NBAS: variants seen among roughly 807,000 people sequenced by gnomAD.
NBAS encodes the protein NBAS subunit of NRZ tethering complex, also known as NAG/BC035112 fusion.
In NBAS, 219 loss-of-function variants were observed where a neutral mutation model predicts 302.5. The ratio of observed to expected loss-of-function variants is 0.72; its 90% CI spans 0.65 to 0.81. The LOEUF is 0.81. Ranked by LOEUF, NBAS falls within the 30% of genes least tolerant of loss-of-function variation. The pLI is 0.00. For missense variants in NBAS, 2,932 were observed against 2,841.6 expected, an observed-to-expected ratio of 1.03 and a Z score of -0.72; for synonymous variants, 1,118 against 1,021.6, an observed-to-expected ratio of 1.09 and a Z score of -1.80.
chr2:15,125,904 T>C, the NBAS span, among the ~76,000 whole-genome samples: 1 of 152,190 alleles, frequency 6.6e-6, no homozygotes, highest in African/African-American at 2.4e-5. Flanking sequence ...GATAATACTC[T>C]GGGAGACTAT....
the NBAS span, among the ~76,000 whole-genome samples, chr2:15,034,159 G>C: frequency 7.2e-6 from 1 of 139,586 alleles, no homozygotes; most frequent in African/African-American, 2.8e-5. Context: ...GGAGGAGGAG[G>C]AGGTGGAGGA....
chr2:15,275,385 T>C (rs1010368911), intron 44 of NBAS, 99 bp downstream of exon 44: 1 of 1,339,210 alleles, frequency 7.5e-7, no homozygotes, highest in Non-Finnish European at 1.0e-6. Flanking sequence ...CATGTAATTA[T>C]TTTCAAGAAA....
At chr2:15,504,267 T>A in intron 10 of NBAS, 54 bp from the exon 11 acceptor site, 1 of 1,375,184 alleles carries the variant, frequency 7.3e-7, no homozygotes, top group Non-Finnish European at 1.0e-6. Flanking sequence ...CTTATCGTTG[T>A]AAAATGTCCC....
intron 25 of NBAS, among the ~76,000 whole-genome samples, chr2:15,409,358 T>C (rs1275482192): frequency 1.3e-5 from 2 of 152,252 alleles, no homozygotes; most frequent in Admixed American, 6.5e-5. Flanking sequence ...CATTGAATAC[T>C]GTCTGCTTAT....
the NBAS span, among the ~76,000 whole-genome samples, chr2:15,161,251 C>G: frequency 1.3e-5 from 2 of 152,130 alleles, no homozygotes; most frequent in Non-Finnish European, 2.9e-5. Flanking sequence ...CGTGGCTAAC[C>G]GCTAAAGTCT....
At chr2:15,165,507 C>T (rs1410609667), downstream of NBAS, among the ~76,000 whole-genome samples, 1 of 152,112 alleles carries the variant, frequency 6.6e-6, no homozygotes, top group African/African-American at 2.4e-5. Flanking sequence ...CAAAGATGAC[C>T]AAAACTTTCA....
At chr2:15,330,927 A>AGCACTATCAACATATTGTTCCT (rs1672313625) in intron 35 of NBAS, among the ~76,000 whole-genome samples, 162 bp from the exon 36 acceptor site, 1 of 152,242 alleles carries the variant, frequency 6.6e-6, no homozygotes, top group Non-Finnish European at 1.5e-5. Flanking sequence ...ATGTTAAAAG[A>AGCACTATCAACATATTGTTCCT]GCACTATCAA....
the NBAS span, among the ~76,000 whole-genome samples, chr2:14,873,843 A>T: frequency 6.7e-6 from 1 of 148,850 alleles, no homozygotes; most frequent in African/African-American, 2.5e-5. Flanking sequence ...ATTGCATTAC[A>T]TTTTTTTTTT....
At chr2:15,012,533 C>T in the NBAS span, among the ~76,000 whole-genome samples, 9 of 152,116 alleles carry the variant, frequency 5.9e-5, no homozygotes, top group African/African-American at 2.2e-4. Context: ...GAGAGATGGA[C>T]ATCCAGATCT....
intron 38 of NBAS, among the ~76,000 whole-genome samples, chr2:15,322,581 G>A (rs906120785): frequency 2.0e-5 from 3 of 151,976 alleles, no homozygotes; most frequent in Non-Finnish European, 4.4e-5. Flanking sequence ...CATTCATTTT[G>A]CTAAATAAAT....
At chr2:15,314,623 G>C (rs1375612575) in intron 38 of NBAS, among the ~76,000 whole-genome samples, 1 of 152,030 alleles carries the variant, frequency 6.6e-6, no homozygotes, top group Non-Finnish European at 1.5e-5. Context: ...GAATTCTGGC[G>C]GTCCCTTATA....
intron 12 of NBAS, among the ~76,000 whole-genome samples, chr2:15,483,745 ATT>A (rs1243936347): frequency 6.6e-6 from 1 of 152,218 alleles, no homozygotes; most frequent in Non-Finnish European, 1.5e-5. Flanking sequence ...CACAAAGCAT[ATT>A]ATAAAAACTA....
chr2:15,100,334 T>C, the NBAS span, among the ~76,000 whole-genome samples: 3 of 152,016 alleles, frequency 2.0e-5, no homozygotes, highest in Admixed American at 6.6e-5. Context: ...GATCCAAGAG[T>C]GTGGTTATAA....
the NBAS span, among the ~76,000 whole-genome samples, chr2:15,016,641 A>G: frequency 6.6e-6 from 1 of 152,162 alleles, no homozygotes; most frequent in Non-Finnish European, 1.5e-5. Flanking sequence ...TTTATATGGA[A>G]CCACAAAAGA....
At chr2:15,317,959 G>T (rs945307427) in intron 38 of NBAS, among the ~76,000 whole-genome samples, 1 of 152,088 alleles carries the variant, frequency 6.6e-6, no homozygotes, top group African/African-American at 2.4e-5. Context: ...GATTCACCAA[G>T]GTTGAAATAA....
the NBAS span, among the ~76,000 whole-genome samples, chr2:15,154,493 G>A: frequency 7.2e-5 from 11 of 152,174 alleles, no homozygotes; most frequent in African/African-American, 2.4e-4. Flanking sequence ...ACTGAAAAAT[G>A]TTGTTTCTGA....
chr2:15,384,904 T>A (rs1260489516), intron 28 of NBAS, among the ~76,000 whole-genome samples: 1 of 152,210 alleles, frequency 6.6e-6, no homozygotes. Context: ...CCAAACACTA[T>A]GCATTAAAAA....
the NBAS span, among the ~76,000 whole-genome samples, chr2:14,934,049 G>A: frequency 2.8e-3 from 433 of 152,196 alleles, 1 homozygote; most frequent in African/African-American, 0.01. Flanking sequence ...AAATAATCAA[G>A]TGTCCAGGGA....
chr2:15,458,130 G>A (rs761405889), intron 21 of NBAS, among the ~76,000 whole-genome samples: 7 of 152,014 alleles, frequency 4.6e-5, no homozygotes, highest in African/African-American at 1.7e-4. Flanking sequence ...AGAGTTACTC[G>A]GATATTTATT....
Sources: gnomAD v4.1 joint callset for allele counts (sites outside exome capture counted in the v4.1 genomes callset) on GRCh38, gnomAD v4.1.1 for gene constraint, MANE v1.5 for transcripts, NCBI Gene and HGNC (gene_info 2026-07-23, HGNC 2026-07-21) for gene names.